Variants in HTN1 observed in about 807,000 individuals in gnomAD.
The protein encoded by HTN1 is histatin-1.
In HTN1, 18 loss-of-function variants were observed where a neutral mutation model predicts 11.2. The ratio of observed to expected loss-of-function variants is 1.61; its 90% confidence interval spans 1.12 to 2.39. The LOEUF is 2.39. Among genes scored for constraint, HTN1 ranks in the 30% most tolerant of loss-of-function variants. HTN1 has a pLI of 0.00. For missense variants in HTN1, 80 were observed against 67.2 expected (o/e 1.19, Z -0.67); for synonymous variants, 21 against 20.5 (o/e 1.02, Z -0.07).
intron 1 of HTN1, 196 bp from the exon 2 acceptor site, chr4:70,052,868 T>C (rs1253600158): frequency 1.9e-5 from 9 of 485,356 alleles, no homozygotes; most frequent in African/African-American, 3.9e-5. Context: ...CAAGTGGGAC[T>C]AGGGAGGCTA....
chr4:70,055,757 A>C (rs1298802542), intron 5 of HTN1, 155 bp downstream of exon 5: 1 of 523,626 alleles, frequency 1.9e-6, no homozygotes, highest in East Asian at 3.3e-5. Context: ...GAAGCTGTAG[A>C]TATGTGGTGT....
rs191552695 is a variant in HTN1, at chr4:70,053,876, G to A, written c.52-446G>A. Among the ~76,000 whole-genome samples, 284 of 152,152 alleles carry A rather than the reference G, an allele frequency of 1.9e-3. 1 individual carries two copies. Among genetic ancestry groups the A allele is most frequent in the African/African-American group, 6.3e-3 (260 of 41,536 alleles). On this transcript the variant is annotated intron_variant, in intron 2 of 5. Transcript: ENST00000246896. The stretch of plus-strand genomic sequence containing the variant: ...TGGTTATGATATCACAGTTTATCAC[G>A]TGATTTTATTATAAAAGGATAGAAG...
At chr4:70,053,759 T>G (rs1369437454) in intron 2 of HTN1, among the ~76,000 whole-genome samples, 2 of 152,112 alleles carry the variant, frequency 1.3e-5, no homozygotes. Context: ...CTCCTCCTCC[T>G]CTTTCTATGA....
rs553938845 is a variant in HTN1 at position 70,055,675 on chromosome 4, A to G, written c.*33+73A>G. ...AGTTTAAAAAAAAAGCCATAAGCTA[A>G]CAACCATTCCAGTTTAAGAAATGTA... On this transcript the variant is annotated intron_variant, in intron 5 of 5. Transcript: ENST00000246896. 99 of 697,792 alleles carry G rather than the reference A, an allele frequency of 1.4e-4. No individual in the cohort carries two copies. In the South Asian group the frequency reaches 1.6e-3, roughly 11 times the overall value. The allele number at this position is 697,792 out of a possible 1,614,324, so 43.2% of individuals were successfully genotyped here. A position where few individuals can be genotyped will look rare whatever the true frequency, so the allele number is the denominator to read the frequency against.
intron 5 of HTN1, chr4:70,058,181 T>G (rs1726092697): frequency 6.6e-6 from 1 of 152,166 alleles, no homozygotes; most frequent in South Asian, 2.1e-4. Context: ...ATTGAATTCC[T>G]GCTCTTTGTG....
At chr4:70,053,614 C>T (rs556517622) in intron 2 of HTN1, among the ~76,000 whole-genome samples, 1 of 152,102 alleles carries the variant, frequency 6.6e-6, no homozygotes, top group Admixed American at 6.6e-5. Context: ...AACCATAAAA[C>T]AAATCTCCAT....
chr4:70,051,777 G>A (rs1484036461), intron 1 of HTN1, among the ~76,000 whole-genome samples: 1 of 151,936 alleles, frequency 6.6e-6, no homozygotes, highest in Non-Finnish European at 1.5e-5. Flanking sequence ...AGAGATGTAG[G>A]GCTGTTTAAG....
intron 5 of HTN1, chr4:70,057,610 A>T (rs1406901955): frequency 6.6e-6 from 1 of 152,132 alleles, no homozygotes; most frequent in Admixed American, 6.6e-5. Context: ...TCCAGTTCTG[A>T]CCTGGAACTA....
intron 4 of HTN1, 55 bp downstream of exon 4, chr4:70,054,505 T>G: frequency 4.6e-6 from 5 of 1,095,294 alleles, no homozygotes; most frequent in Non-Finnish European, 5.5e-6. Flanking sequence ...TCTGACTATT[T>G]ATTCTCCTAG....
intron 5 of HTN1, 70 bp downstream of exon 5, chr4:70,055,672 C>A: frequency 1.4e-6 from 1 of 708,720 alleles, no homozygotes; most frequent in Non-Finnish European, 2.4e-6. Flanking sequence ...AAGCCATAAG[C>A]TAACAACCAT....
In HTN1 at chr4:70,053,068, C is replaced by G; in HGVS notation, c.-9C>G. 1 of 1,597,000 alleles carries G rather than the reference C, an allele frequency of 6.3e-7. No homozygotes were observed. Among genetic ancestry groups the G allele is most frequent in the Non-Finnish European group, 8.6e-7 (1 of 1,164,944 alleles). ...TTTTCATGTTTGATTTTATAGGACT[C>G]AGCCAACTATGAAGTTTTTTGTCTT... On this transcript the variant is annotated 5_prime_UTR_variant, in exon 2 of 6. Coordinates refer to ENST00000246896, the MANE Select transcript of HTN1 (RefSeq NM_002159.4).
intron 4 of HTN1, among the ~76,000 whole-genome samples, chr4:70,054,979 T>G (rs1725996055): frequency 6.6e-6 from 1 of 152,038 alleles, no homozygotes; most frequent in African/African-American, 2.4e-5. Context: ...TTCTCCTTAC[T>G]AACATAGCAA....
At chr4:70,055,647 G>A in intron 5 of HTN1, 45 bp downstream of exon 5, 1 of 881,934 alleles carries the variant, frequency 1.1e-6, no homozygotes, top group Non-Finnish European at 1.8e-6. Flanking sequence ...TGTCAACACT[G>A]ACAGTTTAAA....
Position 70,055,494 on chromosome 4 carries a change from G to T in HTN1, c.103-4G>T, listed in dbSNP as rs199580841. On this transcript the variant is annotated splice_region_variant and splice_polypyrimidine_tract_variant and intron_variant, in intron 4 of 5. Transcript: ENST00000246896. The stretch of plus-strand genomic sequence containing the variant: ...ATTTGCTCTCTCCTTTTGTGTGTAT[G>T]CAGGAAAAGCATCATTCACATCGAG... The T allele has an allele frequency of 1.3e-6, 2 of 1,581,550 alleles. No individual in the cohort carries two copies. Among genetic ancestry groups the T allele is most frequent in the Non-Finnish European group, 1.7e-6 (2 of 1,151,316 alleles).
At chr4:70,056,081 A>T (rs568020778) in intron 5 of HTN1, 1 of 152,310 alleles carries the variant, frequency 6.6e-6, no homozygotes, top group East Asian at 1.9e-4. Flanking sequence ...ATGAGAATGG[A>T]ATGTTTTTCC....
At chr4:70,050,568 A>C (rs1471781304) in intron 1 of HTN1, 73 bp downstream of exon 1, 1 of 152,154 alleles carries the variant, frequency 6.6e-6, no homozygotes, top group Non-Finnish European at 1.5e-5. Context: ...ATAGTAACCC[A>C]CTTATGAAAA....
At position 70,058,568 on chromosome 4, in the gene HTN1, T is replaced by C. The variant is rs1382169268; in HGVS notation, c.*34-12T>C. The C allele has an allele frequency of 2.0e-5, 3 of 152,148 alleles. No homozygotes were observed. The highest frequency in any genetic ancestry group is 6.6e-5 in the Admixed American group (1 of 15,262). 9.4% of individuals were successfully genotyped at this position (152,148 alleles called of 1,614,324 possible). Reference sequence around the variant, plus strand: ...TTTTGAAGATAAAGTGTTATTTTCTTTTTCTTCACAGGTTTGACTGGCAAA... The same window carrying C: ...TTTTGAAGATAAAGTGTTATTTTCTCTTTCTTCACAGGTTTGACTGGCAAA... On this transcript the variant is annotated splice_polypyrimidine_tract_variant and intron_variant, in intron 5 of 5. Coordinates refer to ENST00000246896, the MANE Select transcript of HTN1 (RefSeq NM_002159.4).
intron 4 of HTN1, 44 bp downstream of exon 4, chr4:70,054,494 C>G (rs749198025): frequency 3.2e-6 from 4 of 1,238,770 alleles, no homozygotes; most frequent in Non-Finnish European, 4.7e-6. Context: ...AAATTTTCCT[C>G]TCTGACTATT....
chr4:70,051,524 A>T (rs563687909), intron 1 of HTN1, among the ~76,000 whole-genome samples: 2 of 152,160 alleles, frequency 1.3e-5, no homozygotes, highest in Non-Finnish European at 2.9e-5. Flanking sequence ...ATTTCTTAGA[A>T]CCCTTTTTTA....
Sources: gnomAD v4.1 joint callset for allele counts (sites outside exome capture counted in the v4.1 genomes callset) on GRCh38, gnomAD v4.1.1 for gene constraint, MANE v1.5 for transcripts, NCBI Gene and HGNC (gene_info 2026-07-23, HGNC 2026-07-21) for gene names.